AKAP19: variants seen among roughly 807,000 people sequenced by gnomAD.
The protein encoded by AKAP19 is small A-kinase anchoring protein.
chr2:190,085,932 T>C, the AKAP19 span, among the ~76,000 whole-genome samples: 2 of 152,198 alleles, frequency 1.3e-5, no homozygotes, highest in African/African-American at 2.4e-5. Flanking sequence ...GACTGTCTTG[T>C]TTCTTGTACC....
chr2:190,085,964 A>C, the AKAP19 span, among the ~76,000 whole-genome samples: 1 of 152,210 alleles, frequency 6.6e-6, no homozygotes. Context: ...AATAGCCAAA[A>C]AACAAACCTA....
At chr2:190,201,500 A>T in the AKAP19 span, 13 of 167,050 alleles carry the variant, frequency 7.8e-5, no homozygotes, top group Non-Finnish European at 1.8e-4. Context: ...TGAAATATAA[A>T]GGTTAAAAAA....
chr2:189,939,878 G>A, the AKAP19 span, among the ~76,000 whole-genome samples: 16 of 152,282 alleles, frequency 1.1e-4, 1 homozygote, highest in East Asian at 2.9e-3. Flanking sequence ...AGGCATGGGG[G>A]CTAACACCTG....
At chr2:190,165,427 A>T in the AKAP19 span, among the ~76,000 whole-genome samples, 1 of 152,110 alleles carries the variant, frequency 6.6e-6, no homozygotes, top group Non-Finnish European at 1.5e-5. Context: ...ACAGAACGAG[A>T]CTCCATCTCA....
chr2:190,174,754 C>T, the AKAP19 span, among the ~76,000 whole-genome samples: 1 of 152,156 alleles, frequency 6.6e-6, no homozygotes, highest in Non-Finnish European at 1.5e-5. Context: ...TTAACAATGT[C>T]TTATACTCAC....
At chr2:189,917,548 C>A in the AKAP19 span, 32 of 538,174 alleles carry the variant, frequency 5.9e-5, no homozygotes, top group East Asian at 9.5e-4. Context: ...AGAGCTCTTA[C>A]TCTTCTTTCT....
chr2:190,160,521 T>TA, the AKAP19 span, among the ~76,000 whole-genome samples: 3 of 152,216 alleles, frequency 2.0e-5, no homozygotes, highest in Non-Finnish European at 4.4e-5. Context: ...ATGAGGTTTA[T>TA]AAAACATGAC....
the AKAP19 span, among the ~76,000 whole-genome samples, chr2:189,995,663 G>T: frequency 6.6e-6 from 1 of 151,232 alleles, no homozygotes; most frequent in Non-Finnish European, 1.5e-5. Flanking sequence ...CATGCTAGTT[G>T]TTGCCTGAAT....
chr2:189,901,271 T>A, the AKAP19 span, among the ~76,000 whole-genome samples: 6 of 152,116 alleles, frequency 3.9e-5, no homozygotes, highest in Non-Finnish European at 8.8e-5. Context: ...TTGCTCTTGG[T>A]GTCCTTCCTA....
chr2:190,060,155 T>C, the AKAP19 span: 2 of 1,613,022 alleles, frequency 1.2e-6, no homozygotes, highest in Non-Finnish European at 8.5e-7. Flanking sequence ...TGGATTCAGG[T>C]TGTTTGAGCC....
At chr2:190,107,879 G>A in the AKAP19 span, among the ~76,000 whole-genome samples, 1 of 152,212 alleles carries the variant, frequency 6.6e-6, no homozygotes, top group Admixed American at 6.5e-5. Context: ...TCAGAGTCCA[G>A]TGCCTTCCTT....
At chr2:190,176,133 C>T in the AKAP19 span, among the ~76,000 whole-genome samples, 1 of 152,200 alleles carries the variant, frequency 6.6e-6, no homozygotes, top group African/African-American at 2.4e-5. The surrounding 1 kb of genome is among the most constrained non-coding windows in gnomAD (Gnocchi z 4.7). Flanking sequence ...TGGGCTAGAA[C>T]AGCAACTCTG....
the AKAP19 span, among the ~76,000 whole-genome samples, chr2:190,084,936 A>G: frequency 6.6e-6 from 1 of 152,234 alleles, no homozygotes; most frequent in Non-Finnish European, 1.5e-5. Context: ...TGAAAAGGCC[A>G]TGGGAAAACT....
At chr2:189,928,951 A>T in the AKAP19 span, among the ~76,000 whole-genome samples, 1 of 152,194 alleles carries the variant, frequency 6.6e-6, no homozygotes, top group Admixed American at 6.5e-5. Context: ...ACGAAAAAAT[A>T]AATACATTAA....
the AKAP19 span, chr2:190,060,293 T>G: frequency 1.1e-4 from 185 of 1,613,148 alleles, no homozygotes; most frequent in Non-Finnish European, 1.5e-4. Context: ...GTCTCAGGAT[T>G]TGCACAAACA....
chr2:189,971,546 A>G, the AKAP19 span, among the ~76,000 whole-genome samples: 1 of 152,104 alleles, frequency 6.6e-6, no homozygotes, highest in African/African-American at 2.4e-5. Flanking sequence ...CTAGATCCCT[A>G]AGAAATCGCC....
At chr2:189,899,969 T>C in the AKAP19 span, among the ~76,000 whole-genome samples, 1 of 152,150 alleles carries the variant, frequency 6.6e-6, no homozygotes. Flanking sequence ...ACATATATAG[T>C]ATTCATGGAA....
chr2:189,912,243 A>T, the AKAP19 span, among the ~76,000 whole-genome samples: 1 of 152,174 alleles, frequency 6.6e-6, no homozygotes, highest in Non-Finnish European at 1.5e-5. Context: ...GATAAATATT[A>T]ATATAGCCTG....
At chr2:189,982,507 C>T in the AKAP19 span, among the ~76,000 whole-genome samples, 1 of 152,252 alleles carries the variant, frequency 6.6e-6, no homozygotes, top group African/African-American at 2.4e-5. Context: ...ACTTTTCAAT[C>T]TGGTTAGCAT....
Sources: gnomAD v4.1 joint callset for allele counts (sites outside exome capture counted in the v4.1 genomes callset) on GRCh38, gnomAD v4.1.1 for gene constraint, Gnocchi (gnomAD v3.1) non-coding constraint, MANE v1.5 for transcripts, NCBI Gene and HGNC (gene_info 2026-07-23, HGNC 2026-07-21) for gene names.